Variants in CNTNAP5 observed in about 807,000 individuals in gnomAD.
The protein encoded by CNTNAP5 is contactin associated protein family member 5, also known as contactin-associated protein-like 5.
In CNTNAP5, 72 loss-of-function variants were observed where a neutral mutation model predicts 150.2. That is an observed-to-expected ratio of 0.48 (90% confidence interval 0.40 to 0.58). The LOEUF is 0.58. Ranked by LOEUF, CNTNAP5 falls within the 20% of genes least tolerant of loss-of-function variation. The pLI is 0.00. For synonymous variants in CNTNAP5, 672 were observed against 619.8 expected, an observed-to-expected ratio of 1.08 and a Z score of -1.25; for missense variants, 1,636 against 1,626.2, an observed-to-expected ratio of 1.01 and a Z score of -0.10.
At chr2:124,282,937 A>G (rs1268405621) in intron 3 of CNTNAP5, among the ~76,000 whole-genome samples, 1 of 152,064 alleles carries the variant, frequency 6.6e-6, no homozygotes, top group Non-Finnish European at 1.5e-5. Flanking sequence ...AGAATGTTAA[A>G]CAGATGTTTG....
At chr2:124,250,913 C>G (rs75455142) in intron 3 of CNTNAP5, among the ~76,000 whole-genome samples, 11,680 of 151,980 alleles carry the variant, frequency 0.077, 615 homozygotes, top group Non-Finnish European at 0.12. Context: ...GTTTCTACTA[C>G]TCTTAAGTAC....
intron 19 of CNTNAP5, among the ~76,000 whole-genome samples, chr2:124,863,820 G>A (rs1013998777): frequency 1.3e-5 from 2 of 152,238 alleles, no homozygotes; most frequent in Non-Finnish European, 1.5e-5. Flanking sequence ...TTTGGGATGA[G>A]GGAATATGAG....
At chr2:124,884,099 T>G (rs1047893766) in intron 21 of CNTNAP5, among the ~76,000 whole-genome samples, 1 of 152,144 alleles carries the variant, frequency 6.6e-6, no homozygotes, top group Non-Finnish European at 1.5e-5. Flanking sequence ...TCTGTGTGCA[T>G]GTACATGTGT....
At chr2:124,476,452 G>A (rs1336018800) in intron 7 of CNTNAP5, among the ~76,000 whole-genome samples, 1 of 152,054 alleles carries the variant, frequency 6.6e-6, no homozygotes, top group Non-Finnish European at 1.5e-5. Flanking sequence ...TTGTGGGTGG[G>A]TGGGAGAGGG....
intron 1 of CNTNAP5, among the ~76,000 whole-genome samples, chr2:124,130,942 A>G (rs1683829373): frequency 6.6e-6 from 1 of 152,180 alleles, no homozygotes; most frequent in Admixed American, 6.5e-5. Flanking sequence ...AAAGAAGGTG[A>G]TACTGTAATA....
At chr2:124,460,930 G>GA (rs1235315296) in intron 6 of CNTNAP5, among the ~76,000 whole-genome samples, 1 of 151,654 alleles carries the variant, frequency 6.6e-6, no homozygotes, top group African/African-American at 2.4e-5. Context: ...AAAATAAACT[G>GA]AAAAAAATAA....
intron 13 of CNTNAP5, among the ~76,000 whole-genome samples, chr2:124,722,515 A>AT (rs1489829691): frequency 6.6e-6 from 1 of 152,152 alleles, no homozygotes; most frequent in Admixed American, 6.6e-5. Flanking sequence ...ATTTTATTAG[A>AT]TTTTAAGGCT....
At chr2:124,871,704 C>T (rs775753586) in intron 21 of CNTNAP5, among the ~76,000 whole-genome samples, 11 of 152,104 alleles carry the variant, frequency 7.2e-5, no homozygotes, top group Non-Finnish European at 1.3e-4. Flanking sequence ...ACCTCCATAC[C>T]TACTACTTAC....
At position 124,914,165 on chromosome 2, in the gene CNTNAP5, G is replaced by T; in HGVS notation, c.3801G>T (p.Lys1267Asn). The T allele has an allele frequency of 6.2e-7, 1 of 1,612,478 alleles. No homozygotes were observed. Among genetic ancestry groups the T allele is most frequent in the South Asian group, 1.1e-5 (1 of 91,032 alleles). The change falls in exon 24 of 24, where the codon AAG becomes AAT. Residue 1267 changes from lysine (K) to asparagine (N), a missense_variant. Physicochemically the swap from Lys to Asn is moderately conservative, Grantham distance 94. Coordinates refer to ENST00000682447, the MANE Select transcript of CNTNAP5 (RefSeq NM_001367498.1). ...TGACCCGGTTCCTCTACCAGCACAA[G>T]CAGTCACATCGTACGAGCCAGATGA... Reference protein sequence around the residue: ...GIMTRFLYQHKQSHRTSQMKE... With the variant: ...GIMTRFLYQHNQSHRTSQMKE...
At chr2:124,099,748 G>C (rs770957886) in intron 1 of CNTNAP5, among the ~76,000 whole-genome samples, 22 of 152,202 alleles carry the variant, frequency 1.4e-4, no homozygotes, top group Non-Finnish European at 2.2e-4. Context: ...AGGCAGAAGA[G>C]GGGCAGGCAC....
At chr2:124,607,580 C>T (rs911660390) in intron 11 of CNTNAP5, among the ~76,000 whole-genome samples, 1 of 152,204 alleles carries the variant, frequency 6.6e-6, no homozygotes. Flanking sequence ...AGTATCTGTC[C>T]ATCACGGGAA....
At chr2:124,295,671 G>A (rs1431085662) in intron 3 of CNTNAP5, among the ~76,000 whole-genome samples, 1 of 74,826 alleles carries the variant, frequency 1.3e-5, no homozygotes, top group Non-Finnish European at 2.8e-5. Context: ...CAAAAGAACG[G>A]CTACTCCATA....
At chr2:124,853,452 G>T (rs1269191127) in intron 19 of CNTNAP5, among the ~76,000 whole-genome samples, 4 of 152,058 alleles carry the variant, frequency 2.6e-5, no homozygotes, top group Non-Finnish European at 5.9e-5. Context: ...AAATGATGAG[G>T]TTGGTTGTGC....
At chr2:124,634,786 G>A (rs184773206) in intron 12 of CNTNAP5, among the ~76,000 whole-genome samples, 2 of 152,230 alleles carry the variant, frequency 1.3e-5, no homozygotes, top group East Asian at 3.9e-4. Flanking sequence ...TTACAGATGT[G>A]AGCCACTGTA....
Position 124,025,322 on chromosome 2 carries a change from C to A in CNTNAP5, c.-329C>A. On this transcript the variant is annotated 5_prime_UTR_variant, in exon 1 of 24. It adds an upstream start codon to the 5' untranslated region. Coordinates refer to ENST00000682447, the MANE Select transcript of CNTNAP5 (RefSeq NM_001367498.1). ...CTCGCGCCCGACGAGGTGGATTTGG[C>A]TGTCCACCGAGCTCCGGCGCCTGTC... The A allele has an allele frequency of 6.5e-6, 2 of 307,060 alleles. No homozygotes were observed. Among genetic ancestry groups the A allele is most frequent in the Non-Finnish European group, 1.3e-5 (2 of 157,570 alleles). The allele number at this position is 307,060 out of a possible 1,614,324, so 19.0% of individuals were successfully genotyped here.
chr2:124,083,076 C>T (rs181362179), intron 1 of CNTNAP5, among the ~76,000 whole-genome samples: 2 of 152,170 alleles, frequency 1.3e-5, no homozygotes, highest in Non-Finnish European at 2.9e-5. Context: ...TCAGGCTGGG[C>T]GCAGTGGCTC....
chr2:124,854,698 A>G (rs1351120193), intron 19 of CNTNAP5, among the ~76,000 whole-genome samples: 1 of 152,248 alleles, frequency 6.6e-6, no homozygotes, highest in Non-Finnish European at 1.5e-5. Context: ...TTAAGATAGC[A>G]TGTCCCATGT....
intron 11 of CNTNAP5, among the ~76,000 whole-genome samples, chr2:124,578,485 TCAC>T (rs1483915818): frequency 6.6e-6 from 1 of 152,000 alleles, no homozygotes; most frequent in Non-Finnish European, 1.5e-5. Context: ...AGGATAAAGC[TCAC>T]CAGGGAATTT....
At chr2:124,809,459 T>C (rs1422279963) in intron 19 of CNTNAP5, among the ~76,000 whole-genome samples, 1 of 151,794 alleles carries the variant, frequency 6.6e-6, no homozygotes, top group Non-Finnish European at 1.5e-5. Context: ...CAGGCTGCAG[T>C]GCAGTGCCAT....
Sources: allele counts gnomAD v4.1 joint callset (sites outside exome capture counted in the v4.1 genomes callset), GRCh38; gene constraint gnomAD v4.1.1; transcripts MANE v1.5; gene names NCBI Gene and HGNC (gene_info 2026-07-23, HGNC 2026-07-21).